RBFOX1: variants seen among roughly 807,000 people sequenced by gnomAD.
The protein encoded by RBFOX1 is RNA binding protein fox-1 homolog 1.
RBFOX1 carries 8 observed loss-of-function variants against 57.7 expected under a neutral mutation model. The ratio of observed to expected loss-of-function variants is 0.14; its 90% confidence interval spans 0.08 to 0.25. The LOEUF (loss-of-function observed/expected upper bound fraction) is 0.25. RBFOX1 is among the 10% of genes least tolerant of loss of function. RBFOX1 has a pLI of 1.00. For synonymous variants in RBFOX1, 326 were observed against 222.4 expected, an observed-to-expected ratio of 1.47 and a Z score of -4.15; for missense variants, 611 against 548.5, an observed-to-expected ratio of 1.11 and a Z score of -1.14.
intron 1 of RBFOX1, among the ~76,000 whole-genome samples, chr16:5,447,433 C>T (rs2068282540): frequency 6.7e-6 from 1 of 150,336 alleles, no homozygotes; most frequent in South Asian, 2.1e-4. Flanking sequence ...CTGTTTCACC[C>T]ATGCTGGAGT....
chr16:7,135,670 G>A (rs191302136), intron 4 of RBFOX1, among the ~76,000 whole-genome samples: 19 of 152,300 alleles, frequency 1.2e-4, no homozygotes, highest in Non-Finnish European at 2.1e-4. Flanking sequence ...AGGATTAATC[G>A]TCTGGTTCAT....
intron 3 of RBFOX1, among the ~76,000 whole-genome samples, chr16:6,828,938 G>T (rs13333827): frequency 0.028 from 4,271 of 152,062 alleles, 204 homozygotes; most frequent in African/African-American, 0.097. Context: ...TCTTGAGTCC[G>T]CCTACACTCC....
intron 2 of RBFOX1, among the ~76,000 whole-genome samples, chr16:6,417,349 A>C (rs1050364238): frequency 1.3e-5 from 2 of 148,344 alleles, no homozygotes; most frequent in African/African-American, 2.5e-5. Flanking sequence ...GGCCCTCTCT[A>C]CTGATTCTAT....
chr16:7,246,430 G>A (rs565937974), intron 4 of RBFOX1, among the ~76,000 whole-genome samples: 10 of 152,134 alleles, frequency 6.6e-5, no homozygotes, highest in Admixed American at 3.3e-4. Context: ...TTTTTTTAGT[G>A]GCCTCCTGTT....
intron 3 of RBFOX1, among the ~76,000 whole-genome samples, chr16:6,861,953 G>C (rs1365724266): frequency 3.3e-5 from 5 of 149,450 alleles, no homozygotes; most frequent in African/African-American, 4.9e-5. Flanking sequence ...GAACTGGTTT[G>C]GAATATGCAA....
intron 3 of RBFOX1, among the ~76,000 whole-genome samples, chr16:6,851,205 G>T (rs61029912): frequency 1.3e-5 from 2 of 152,156 alleles, no homozygotes; most frequent in African/African-American, 2.4e-5. Flanking sequence ...AAATGATACC[G>T]TGTATGTAGC....
intron 4 of RBFOX1, among the ~76,000 whole-genome samples, chr16:7,141,381 G>A (rs775143953): frequency 6.6e-6 from 1 of 151,902 alleles, no homozygotes; most frequent in Non-Finnish European, 1.5e-5. Context: ...TTCTCTGATG[G>A]ACCTTAAAAT....
chr16:7,705,582 G>A (rs1016696222), intron 14 of RBFOX1, among the ~76,000 whole-genome samples: 1 of 152,160 alleles, frequency 6.6e-6, no homozygotes, highest in African/African-American at 2.4e-5. Flanking sequence ...ATTGAAAGAG[G>A]GACAGAGGCA....
intron 1 of RBFOX1, among the ~76,000 whole-genome samples, chr16:6,021,024 A>G (rs1449556025): frequency 1.3e-5 from 2 of 152,286 alleles, no homozygotes; most frequent in African/African-American, 4.8e-5. Flanking sequence ...GCACTGGAAC[A>G]TCTGGGGTGC....
At chr16:7,607,548 C>T (rs763306485) in intron 10 of RBFOX1, among the ~76,000 whole-genome samples, 3 of 152,094 alleles carry the variant, frequency 2.0e-5, no homozygotes, top group Admixed American at 6.5e-5. Flanking sequence ...GGGGGATCAG[C>T]GTGGAGCCAC....
intron 2 of RBFOX1, among the ~76,000 whole-genome samples, chr16:6,593,082 C>T (rs1368830626): frequency 1.1e-4 from 17 of 152,154 alleles, no homozygotes; most frequent in Admixed American, 6.5e-5. Context: ...CTCCCAGCTA[C>T]TTGGGATGCT....
chr16:6,649,648 G>C (rs543850297), intron 2 of RBFOX1, among the ~76,000 whole-genome samples: 1 of 152,150 alleles, frequency 6.6e-6, no homozygotes, highest in Non-Finnish European at 1.5e-5. Flanking sequence ...GTTTCACTTA[G>C]AATAATGGTC....
At chr16:6,452,743 G>A (rs1365856948) in intron 2 of RBFOX1, among the ~76,000 whole-genome samples, 1 of 152,140 alleles carries the variant, frequency 6.6e-6, no homozygotes, top group African/African-American at 2.4e-5. Context: ...GCTTTAAAGT[G>A]GATCCTTGTG....
intron 10 of RBFOX1, among the ~76,000 whole-genome samples, chr16:7,611,084 G>A (rs967005717): frequency 2.6e-5 from 4 of 152,136 alleles, no homozygotes; most frequent in African/African-American, 9.7e-5. Flanking sequence ...TTAATGACAT[G>A]TTTTATAATA....
In RBFOX1 at chr16:6,725,232, T is replaced by C. The variant is rs1307318888; in HGVS notation, c.-16+70582T>C. ...TGCCCAGCTAATTTTTTTGTATTTTTAGTAGGGACAGGGTTTCACCGTGTT... is the reference window on the plus strand; with the variant it reads ...TGCCCAGCTAATTTTTTTGTATTTTCAGTAGGGACAGGGTTTCACCGTGTT... On this transcript the variant is annotated intron_variant, in intron 3 of 15. Coordinates refer to ENST00000550418, the MANE Select transcript of RBFOX1 (RefSeq NM_018723.4). 2.0e-5 allele frequency among the ~76,000 whole-genome samples: 3 copies of C among 151,862 alleles called. No individual in the cohort carries two copies. The East Asian group carries it at 5.8e-4, about 29-fold the overall frequency.
At chr16:7,105,421 C>G (rs11077137) in intron 4 of RBFOX1, among the ~76,000 whole-genome samples, 86,586 of 151,404 alleles carry the variant, frequency 0.57, 24,934 homozygotes, top group South Asian at 0.71. Context: ...TTTTGGTACA[C>G]CCATCACTCA....
At chr16:7,552,114 G>T (rs976431106) in intron 5 of RBFOX1, among the ~76,000 whole-genome samples, 1 of 152,082 alleles carries the variant, frequency 6.6e-6, no homozygotes, top group African/African-American at 2.4e-5. Flanking sequence ...TCCACCACCC[G>T]TTTTTAATTC....
rs112393139 is a variant in RBFOX1, at chr16:7,591,591, A to T, written c.469-3958A>T. 4.2e-3 allele frequency among the ~76,000 whole-genome samples: 641 copies of T among 152,284 alleles called. 9 individuals are homozygous for T. The highest frequency in any genetic ancestry group is 0.015 in the African/African-American group (617 of 41,548). On this transcript the variant is annotated intron_variant, in intron 7 of 15. Transcript: ENST00000550418. ...GTCCCCGTTATCTGCCCTACTGATTATACCTGCTCATGACAGGGCACAGGC... is the reference window on the plus strand; with the variant it reads ...GTCCCCGTTATCTGCCCTACTGATTTTACCTGCTCATGACAGGGCACAGGC...
chr16:6,706,647 A>G (rs2062794248), intron 3 of RBFOX1, among the ~76,000 whole-genome samples: 1 of 151,784 alleles, frequency 6.6e-6, no homozygotes, highest in Admixed American at 6.6e-5. Context: ...TCTGAAGGGC[A>G]ACACTGTTAC....
Sources: gnomAD v4.1 joint callset for allele counts (sites outside exome capture counted in the v4.1 genomes callset) on GRCh38, gnomAD v4.1.1 for gene constraint, MANE v1.5 for transcripts, NCBI Gene and HGNC (gene_info 2026-07-23, HGNC 2026-07-21) for gene names.